Variants in LAMC2 observed in about 807,000 individuals in gnomAD.
LAMC2 encodes laminin subunit gamma-2.
LAMC2 carries 97 observed loss-of-function variants against 140.2 expected under a neutral mutation model. The observed-to-expected ratio is 0.69, with a 90% CI of 0.59 to 0.82. The LOEUF is 0.82. LAMC2 is among the 40% of genes least tolerant of loss of function. LAMC2 has a pLI of 0.00. For missense variants in LAMC2, 1,402 were observed against 1,476.1 expected (o/e 0.95, Z 0.82); for synonymous variants, 513 against 540.2 (o/e 0.95, Z 0.70).
the LAMC2 span, chr1:183,252,026 G>A: frequency 6.5e-6 from 1 of 154,506 alleles, no homozygotes; most frequent in Admixed American, 6.5e-5. Context: ...ACTGAGTGCT[G>A]AGGCTGGCTA....
At chr1:183,256,774 C>CT in the LAMC2 span, among the ~76,000 whole-genome samples, 17 of 151,478 alleles carry the variant, frequency 1.1e-4, no homozygotes, top group Admixed American at 3.3e-4. Context: ...CTTGTGGTGT[C>CT]TTTTTTTTTC....
At chr1:183,204,455 GAAA>G in intron 1 of LAMC2, among the ~76,000 whole-genome samples, 1 of 129,540 alleles carries the variant, frequency 7.7e-6, no homozygotes, top group African/African-American at 2.6e-5. Flanking sequence ...CAAACAAACA[GAAA>G]AAAAAAAAAA....
chr1:183,249,682 CGTGTGTGTGTGTGT>C (rs3841433), downstream of LAMC2: 1,071 of 119,606 alleles, frequency 9.0e-3, 2 homozygotes, highest in South Asian at 0.012. Flanking sequence ...AAGAGTAGGG[CGTGTGTGTGTGTGT>C]GTGTGTGTGT....
At chr1:183,215,722 C>T in intron 3 of LAMC2, 134 bp downstream of exon 3, 1 of 1,048,212 alleles carries the variant, frequency 9.5e-7, no homozygotes, top group Non-Finnish European at 1.5e-6. Context: ...TTTGGGCTAT[C>T]TACTTTAATC....
intron 3 of LAMC2, among the ~76,000 whole-genome samples, chr1:183,217,804 G>A (rs192026158): frequency 1.2e-4 from 18 of 152,244 alleles, no homozygotes; most frequent in East Asian, 3.9e-4. Flanking sequence ...ATTTCTTTCC[G>A]GAATGATCAA....
Position 183,225,644 on chromosome 1 carries a change from G to C in LAMC2, c.990G>C (p.Gln330His). 1 of 1,614,054 alleles carries C rather than the reference G, an allele frequency of 6.2e-7. No homozygotes were observed. ...ATCCAAGCAATAATTGGAGCCCCCAGCTGAGTTACTTTGAGTATCGAAGGT... is the reference window on the plus strand; with the variant it reads ...ATCCAAGCAATAATTGGAGCCCCCACCTGAGTTACTTTGAGTATCGAAGGT... ...NEHPSNNWSP[Q>H]LSYFEYRRLL... Residue 330 changes from glutamine to histidine, a missense_variant, in exon 8 of 23, where the codon CAG becomes CAC. Around this residue, in one of 3 missense-constraint regions of LAMC2, gnomAD observed 723 missense variants for 783.3 expected, o/e 0.92. Coordinates refer to ENST00000264144, the MANE Select transcript of LAMC2 (RefSeq NM_005562.3).
In LAMC2 at chr1:183,222,218, G is replaced by A. The variant is rs2102222486; in HGVS notation, c.763+7G>A. 6.2e-7 allele frequency: 1 copy of A among 1,613,972 alleles called. No homozygotes were observed. The highest frequency in any genetic ancestry group is 1.7e-4 in the Middle Eastern group (1 of 6,060). On this transcript the variant is annotated splice_region_variant and intron_variant, in intron 6 of 22. Coordinates refer to ENST00000264144, the MANE Select transcript of LAMC2 (RefSeq NM_005562.3). ...GTCTATTTTGTGGCTCCTGGTATGT[G>A]AGGAATAATGTCTCCTATAGAGGCC... is the stretch of plus-strand genomic sequence containing the variant.
intron 15 of LAMC2, 62 bp downstream of exon 15, chr1:183,234,508 G>C (rs559977482): frequency 2.3e-6 from 3 of 1,298,334 alleles, no homozygotes; most frequent in Non-Finnish European, 3.3e-6. Flanking sequence ...ACTTGAATAA[G>C]AGTGTAGGGT....
At position 183,235,638 on chromosome 1, in the gene LAMC2, A is replaced by C; in HGVS notation, c.2364A>C (p.Gln788His). Residue 788 changes from glutamine to histidine, a missense_variant, in exon 16 of 23, where the codon CAA (glutamine) becomes CAC (histidine). By Grantham distance (24) the Gln-to-His change is conservative. Coordinates refer to ENST00000264144, the MANE Select transcript of LAMC2 (RefSeq NM_005562.3). ...GGGAAACTGAGGACTATTCCAAACA[A>C]GCCCTCTCACTGGTGCGCAAGGCCC... is the stretch of plus-strand genomic sequence containing the variant. ...LTRETEDYSKQALSLVRKALH... is the reference protein window; with the variant it reads ...LTRETEDYSKHALSLVRKALH... 1 of 1,614,262 alleles carries C rather than the reference A, an allele frequency of 6.2e-7. No homozygotes were observed. Among genetic ancestry groups the C allele is most frequent in the Non-Finnish European group, 8.5e-7 (1 of 1,180,050 alleles).
rs563470705 is a variant in LAMC2, at chr1:183,236,703, C to T, written c.2601+99C>T. 11 of 1,365,954 alleles carry T rather than the reference C, an allele frequency of 8.1e-6. No individual in the cohort carries two copies. In the East Asian group the frequency reaches 2.1e-4, roughly 26 times the overall value. 84.6% of individuals were successfully genotyped at this position (1,365,954 alleles called of 1,614,324 possible). A position where few individuals can be genotyped will look rare whatever the true frequency, so the allele number is the denominator to read the frequency against. On this transcript the variant is annotated intron_variant, in intron 17 of 22. Transcript: ENST00000264144. Reference sequence around the variant, plus strand: ...ATTGTTCAAACATTCAGCTTTTTCTCCATGTTGACCATTTCTGTTTTAGAG... The same window carrying T: ...ATTGTTCAAACATTCAGCTTTTTCTTCATGTTGACCATTTCTGTTTTAGAG...
chr1:183,253,165 C>T, the LAMC2 span, among the ~76,000 whole-genome samples: 2 of 150,664 alleles, frequency 1.3e-5, no homozygotes, highest in Non-Finnish European at 3.0e-5. Flanking sequence ...TTAAGTCATA[C>T]AATCTGATGT....
chr1:183,225,848 G>A (rs764359426), intron 8 of LAMC2, 128 bp downstream of exon 8: 41 of 669,526 alleles, frequency 6.1e-5, no homozygotes, highest in Middle Eastern at 3.6e-4. Flanking sequence ...TAGAATCACT[G>A]ATTCAATCTG....
chr1:183,200,537 CT>C (rs1402558840), intron 1 of LAMC2, among the ~76,000 whole-genome samples: 1 of 152,186 alleles, frequency 6.6e-6, no homozygotes, highest in Non-Finnish European at 1.5e-5. Context: ...TGAACTGCTA[CT>C]ACTGATGATG....
chr1:183,196,802 T>G (rs1658533948), intron 1 of LAMC2, among the ~76,000 whole-genome samples: 1 of 152,198 alleles, frequency 6.6e-6, no homozygotes, highest in African/African-American at 2.4e-5. Flanking sequence ...TCAGCCCCAA[T>G]TTGTGTCTGC....
chr1:183,186,466 T>C (rs768288288), intron 1 of LAMC2, 35 bp downstream of exon 1: 6 of 1,592,366 alleles, frequency 3.8e-6, no homozygotes, highest in Non-Finnish European at 5.1e-6. Context: ...ATCTCAGCCC[T>C]GGGCTGAGAA....
the LAMC2 span, among the ~76,000 whole-genome samples, chr1:183,258,265 C>T: frequency 4.6e-5 from 7 of 152,232 alleles, no homozygotes; most frequent in African/African-American, 1.7e-4. Context: ...TGTAAAAATT[C>T]ATATACGCCT....
chr1:183,223,424 C>T, intron 7 of LAMC2, 100 bp downstream of exon 7: 1 of 1,150,628 alleles, frequency 8.7e-7, no homozygotes, highest in South Asian at 1.3e-5. Context: ...GTTCAACAAG[C>T]CTTTCTGAGC....
In LAMC2 at chr1:183,232,330, C is replaced by T. The variant is rs754354558; in HGVS notation, c.2001C>T (p.Ala667=). 140 of 1,613,896 alleles carry T rather than the reference C, an allele frequency of 8.7e-5. No homozygotes were observed. The highest frequency in any genetic ancestry group is 1.2e-4 in the Non-Finnish European group (139 of 1,179,992). ...EQALQDILRD[A]QISEGASRSL... is the part of the protein sequence containing the mutation. ...CCCTTCAGGACATTCTGAGAGATGC[C>T]CAGATTTCAGAAGGTGATGAAGGCC... Residue 667 remains alanine (A), a synonymous_variant, in exon 13 of 23, where the codon GCC becomes GCT. Transcript: ENST00000264144.
rs750259270 is a variant in LAMC2, at chr1:183,228,526, T to C, written c.1621T>C (p.Cys541Arg). 1.2e-6 allele frequency: 2 copies of C among 1,613,768 alleles called. No homozygotes were observed. Among genetic ancestry groups the C allele is most frequent in the Non-Finnish European group, 1.7e-6 (2 of 1,179,972 alleles). Residue 541 changes from cysteine to arginine, a missense_variant, in exon 11 of 23, where the codon TGT becomes CGT. By Grantham distance (180) the Cys-to-Arg change is radical. Coordinates refer to ENST00000264144, the MANE Select transcript of LAMC2 (RefSeq NM_005562.3). The surrounding 1 kb of genome is among the most constrained non-coding windows in gnomAD (Gnocchi z 4.3). ...CDRLTGRCLK[C>R]IHNTAGIYCD... ...CCGGCTGACAGGCAGGTGTTTGAAG[T>C]GTATCCACAACACAGCCGGCATCTA...
Sources: allele counts gnomAD v4.1 joint callset (sites outside exome capture counted in the v4.1 genomes callset), GRCh38; gene constraint gnomAD v4.1.1; regional missense constraint gnomAD v4.1.1; non-coding constraint Gnocchi (gnomAD v3.1); transcripts MANE v1.5; gene names NCBI Gene and HGNC (gene_info 2026-07-23, HGNC 2026-07-21).